The following LRMDA variants were observed in gnomAD, a reference collection of about 807,000 sequenced individuals.
LRMDA encodes leucine-rich melanocyte differentiation-associated protein.
LRMDA carries 18 observed loss-of-function variants against 29.8 expected under a neutral mutation model. The observed-to-expected ratio is 0.60, with a 90% confidence interval of 0.42 to 0.90. The LOEUF (loss-of-function observed/expected upper bound fraction) is 0.90. Ranked by LOEUF, LRMDA falls within the 40% of genes least tolerant of loss-of-function variation. LRMDA has a pLI of 0.00. For missense variants in LRMDA, 273 were observed against 273.9 expected, an observed-to-expected ratio of 1.00 and a Z score of 0.02; for synonymous variants, 125 against 109.4, an observed-to-expected ratio of 1.14 and a Z score of -0.89.
At chr10:76,047,052 C>A in intron 3 of LRMDA, 112 bp from the exon 4 acceptor site, 4 of 1,155,430 alleles carry the variant, frequency 3.5e-6, no homozygotes, top group South Asian at 1.4e-5. Context: ...TTTCAGCCCC[C>A]ACCCTGAGGT....
rs561857098 is a variant in LRMDA at position 75,502,438 on chromosome 10, T to A, written c.131+63944T>A. The stretch of plus-strand genomic sequence containing the variant: ...TTTTGCCTTTTAGATTTTTTTTTTT[T>A]ATTGATCTCTGAGTTGAATTAATGG... On this transcript the variant is annotated intron_variant, in intron 2 of 6. Transcript: ENST00000611255. 6.6e-5 allele frequency among the ~76,000 whole-genome samples: 10 copies of A among 151,966 alleles called. No homozygotes were observed. In the East Asian group the frequency reaches 7.7e-4, roughly 12 times the overall value.
chr10:76,267,799 G>A (rs1840024186), intron 5 of LRMDA, among the ~76,000 whole-genome samples: 1 of 152,100 alleles, frequency 6.6e-6, no homozygotes, highest in Non-Finnish European at 1.5e-5. Flanking sequence ...TGGAAAACAT[G>A]TTGAGGATAT....
At chr10:75,890,132 T>A (rs1037957576) in intron 2 of LRMDA, among the ~76,000 whole-genome samples, 1 of 152,162 alleles carries the variant, frequency 6.6e-6, no homozygotes, top group Admixed American at 6.5e-5. Flanking sequence ...CATCTTGAGA[T>A]GGAAGGGACA....
At chr10:75,710,007 A>G (rs1842417201) in intron 2 of LRMDA, among the ~76,000 whole-genome samples, 2 of 152,190 alleles carry the variant, frequency 1.3e-5, no homozygotes, top group Non-Finnish European at 2.9e-5. Flanking sequence ...TATCCCTGGT[A>G]AAAAAGACGG....
chr10:76,244,466 C>T (rs1435526028), intron 5 of LRMDA, among the ~76,000 whole-genome samples: 1 of 152,148 alleles, frequency 6.6e-6, no homozygotes, highest in Non-Finnish European at 1.5e-5. Context: ...AAGCATGGTA[C>T]AGCTGGTGTT....
At chr10:75,483,036 C>T (rs1038961011) in intron 2 of LRMDA, among the ~76,000 whole-genome samples, 2 of 152,078 alleles carry the variant, frequency 1.3e-5, no homozygotes, top group Non-Finnish European at 2.9e-5. Flanking sequence ...CCATCACCTC[C>T]CAGGCTCAAG....
At chr10:76,190,962 T>C (rs1426076981) in intron 5 of LRMDA, among the ~76,000 whole-genome samples, 2 of 152,154 alleles carry the variant, frequency 1.3e-5, no homozygotes, top group African/African-American at 4.8e-5. Context: ...AACACATAAT[T>C]GTTGTATGTA....
intron 5 of LRMDA, among the ~76,000 whole-genome samples, chr10:76,162,181 CTGT>C (rs756722242): frequency 3.9e-5 from 6 of 152,076 alleles, no homozygotes; most frequent in Non-Finnish European, 5.9e-5. Context: ...TAGAATTAAA[CTGT>C]TGTGGGAAGG....
At chr10:76,130,915 G>T (rs541283077) in intron 5 of LRMDA, among the ~76,000 whole-genome samples, 6 of 152,158 alleles carry the variant, frequency 3.9e-5, no homozygotes, top group African/African-American at 9.6e-5. Context: ...CACTCGCCTC[G>T]GCCTCCCAAA....
chr10:76,177,802 C>T (rs1254209041), intron 5 of LRMDA, among the ~76,000 whole-genome samples: 1 of 152,174 alleles, frequency 6.6e-6, no homozygotes, highest in Non-Finnish European at 1.5e-5. Flanking sequence ...TGTCTGCTAT[C>T]TTATTTAACT....
Position 76,427,035 on chromosome 10 carries a change from C to A in LRMDA, c.601+102550C>A, listed in dbSNP as rs143150122. Among the ~76,000 whole-genome samples the A allele has an allele frequency of 1.6e-3, 246 of 152,236 alleles. 2 individuals carry two copies. In the East Asian group the frequency reaches 0.039, roughly 24 times the overall value. On this transcript the variant is annotated intron_variant, in intron 6 of 6. Transcript: ENST00000611255. ...TGTAGTATAGTTTGAAGTCAGGTAG[C>A]CTGATGCCTCCTGCTTTGTTCTTTT...
intron 2 of LRMDA, among the ~76,000 whole-genome samples, chr10:75,621,919 G>A (rs1841193330): frequency 6.6e-6 from 1 of 152,156 alleles, no homozygotes; most frequent in African/African-American, 2.4e-5. Context: ...CAGATTGAGT[G>A]TTACTTGCTG....
At chr10:75,973,286 T>C (rs377212560) in intron 2 of LRMDA, among the ~76,000 whole-genome samples, 9 of 152,240 alleles carry the variant, frequency 5.9e-5, no homozygotes, top group African/African-American at 2.2e-4. Context: ...AACTCAGGAC[T>C]ATGTGACACT....
At chr10:76,474,225 T>C (rs1397255765) in intron 6 of LRMDA, among the ~76,000 whole-genome samples, 1 of 151,676 alleles carries the variant, frequency 6.6e-6, no homozygotes, top group Non-Finnish European at 1.5e-5. Context: ...GTTAACTTAA[T>C]ATATTAGTAA....
At chr10:76,286,360 A>G (rs1840271163) in intron 5 of LRMDA, among the ~76,000 whole-genome samples, 1 of 152,206 alleles carries the variant, frequency 6.6e-6, no homozygotes, top group South Asian at 2.1e-4. Flanking sequence ...CTGTCCATTA[A>G]CCAACCCGGT....
At chr10:76,371,352 A>G (rs1183706848) in intron 6 of LRMDA, among the ~76,000 whole-genome samples, 1 of 152,158 alleles carries the variant, frequency 6.6e-6, no homozygotes, top group African/African-American at 2.4e-5. Flanking sequence ...ACTTTATAGA[A>G]AGCCATTGGT....
At chr10:75,467,333 CATT>C (rs1171190178) in intron 2 of LRMDA, among the ~76,000 whole-genome samples, 2 of 152,162 alleles carry the variant, frequency 1.3e-5, no homozygotes, top group African/African-American at 2.4e-5. Flanking sequence ...CCCCACCTGC[CATT>C]ATTTGACCAG....
At chr10:76,003,996 G>A (rs771973328) in intron 2 of LRMDA, among the ~76,000 whole-genome samples, 21 of 152,150 alleles carry the variant, frequency 1.4e-4, no homozygotes, top group East Asian at 3.9e-4. Context: ...TTTGTTGGAT[G>A]AATGACATGA....
At chr10:76,232,056 T>G (rs1852068023) in intron 5 of LRMDA, among the ~76,000 whole-genome samples, 1 of 152,204 alleles carries the variant, frequency 6.6e-6, no homozygotes, top group African/African-American at 2.4e-5. Context: ...TGATTTCCAG[T>G]AATTCCTATT....
Sources: allele counts gnomAD v4.1 joint callset (sites outside exome capture counted in the v4.1 genomes callset), GRCh38; gene constraint gnomAD v4.1.1; transcripts MANE v1.5; gene names NCBI Gene and HGNC (gene_info 2026-07-23, HGNC 2026-07-21).